Variants in NEGR1 observed in about 807,000 individuals in gnomAD.
The protein encoded by NEGR1 is neuronal growth regulator 1.
NEGR1 carries 10 observed loss-of-function variants against 40.9 expected under a neutral mutation model. The observed-to-expected ratio is 0.24, with a 90% CI of 0.15 to 0.42. The LOEUF is 0.42. Ranked by LOEUF, NEGR1 falls within the 10% of genes least tolerant of loss-of-function variation. The pLI, the probability that NEGR1 is intolerant of heterozygous loss-of-function variation, is 1.00. For synonymous variants in NEGR1, 185 were observed against 166.8 expected, an observed-to-expected ratio of 1.11 and a Z score of -0.84; for missense variants, 352 against 438.9, an observed-to-expected ratio of 0.80 and a Z score of 1.77.
At chr1:71,838,457 G>A (rs1363553100) in intron 2 of NEGR1, among the ~76,000 whole-genome samples, 3 of 152,138 alleles carry the variant, frequency 2.0e-5, no homozygotes, top group Non-Finnish European at 2.9e-5. Context: ...ATCACTACTC[G>A]TGCCAAGCAA....
At chr1:71,671,833 G>A (rs1652443275) in intron 4 of NEGR1, among the ~76,000 whole-genome samples, 1 of 151,118 alleles carries the variant, frequency 6.6e-6, no homozygotes, top group Non-Finnish European at 1.5e-5. Flanking sequence ...ACTCTCACTG[G>A]ATGTTTTATT....
At chr1:71,919,883 T>G (rs1010858221) in intron 2 of NEGR1, among the ~76,000 whole-genome samples, 19 of 152,226 alleles carry the variant, frequency 1.2e-4, no homozygotes, top group Admixed American at 6.5e-5. Context: ...TGGAACTGAA[T>G]GGATAACTTT....
chr1:72,197,876 A>T (rs1291121761), intron 1 of NEGR1, among the ~76,000 whole-genome samples: 1 of 152,052 alleles, frequency 6.6e-6, no homozygotes, highest in Non-Finnish European at 1.5e-5. Flanking sequence ...GTTAAGAAAC[A>T]GTCAGTTTAG....
intron 6 of NEGR1, among the ~76,000 whole-genome samples, chr1:71,454,034 A>G (rs1315715582): frequency 6.6e-6 from 1 of 152,194 alleles, no homozygotes; most frequent in Non-Finnish European, 1.5e-5. Flanking sequence ...TCTTCTCTTC[A>G]GCCATAATTC....
chr1:71,637,143 T>A (rs536187999), intron 4 of NEGR1, among the ~76,000 whole-genome samples: 1 of 152,198 alleles, frequency 6.6e-6, no homozygotes, highest in East Asian at 1.9e-4. Context: ...TCTTAGCACA[T>A]ATCATTGATT....
chr1:71,740,181 T>C (rs2101675296), intron 3 of NEGR1, among the ~76,000 whole-genome samples: 1 of 152,342 alleles, frequency 6.6e-6, no homozygotes, highest in South Asian at 2.1e-4. Context: ...GTTCCTAATA[T>C]GTTATAAACT....
At chr1:71,436,104 A>G (rs527750210) in intron 6 of NEGR1, among the ~76,000 whole-genome samples, 3 of 152,348 alleles carry the variant, frequency 2.0e-5, no homozygotes, top group South Asian at 4.1e-4. Context: ...AAAAAGCTGT[A>G]AAAGTCATCA....
At chr1:72,119,984 AT>A (rs1557536540) in intron 1 of NEGR1, among the ~76,000 whole-genome samples, 1 of 152,008 alleles carries the variant, frequency 6.6e-6, no homozygotes, top group African/African-American at 2.4e-5. Flanking sequence ...TAAATGATTA[AT>A]TACGAAAAAT....
intron 3 of NEGR1, among the ~76,000 whole-genome samples, chr1:71,743,038 A>C (rs577413092): frequency 6.6e-6 from 1 of 152,296 alleles, no homozygotes; most frequent in African/African-American, 2.4e-5. Context: ...TACATCGAGA[A>C]GATAAGACGA....
At chr1:71,536,262 A>G (rs183444878) in intron 6 of NEGR1, among the ~76,000 whole-genome samples, 5 of 151,824 alleles carry the variant, frequency 3.3e-5, no homozygotes, top group Admixed American at 1.3e-4. Flanking sequence ...GTTTTGCTTC[A>G]CCAAGTTCCA....
chr1:72,021,526 C>T (rs1176769940), intron 1 of NEGR1, among the ~76,000 whole-genome samples: 2 of 151,648 alleles, frequency 1.3e-5, no homozygotes, highest in Non-Finnish European at 2.9e-5. Context: ...GGAGATAAGT[C>T]ATAAAAACCA....
At position 71,450,724 on chromosome 1, in the gene NEGR1, C is replaced by T. The variant is rs551926091; in HGVS notation, c.941-43154G>A. Among the ~76,000 whole-genome samples the T allele has an allele frequency of 1.1e-4, 17 of 151,982 alleles. No homozygotes were observed. The East Asian group carries it at 1.9e-3, about 17-fold the overall frequency. On this transcript the variant is annotated intron_variant, in intron 6 of 6. Transcript: ENST00000357731. The stretch of plus-strand genomic sequence containing the variant: ...ACTTGGGAGGCTGAGGCAGGAGAAT[C>T]GCTTGAACCCAAAACGTAGAGGTTG...
At chr1:71,498,516 T>C (rs1646979942) in intron 6 of NEGR1, among the ~76,000 whole-genome samples, 1 of 152,186 alleles carries the variant, frequency 6.6e-6, no homozygotes, top group African/African-American at 2.4e-5. Flanking sequence ...ACCCTGAGGG[T>C]AAATTGCTCG....
At chr1:71,632,142 T>G (rs1238169491) in intron 4 of NEGR1, among the ~76,000 whole-genome samples, 1 of 151,706 alleles carries the variant, frequency 6.6e-6, no homozygotes, top group Non-Finnish European at 1.5e-5. Context: ...CTGGTTCAAG[T>G]TATTGGCAGA....
At chr1:72,228,487 G>A (rs555025403) in intron 1 of NEGR1, among the ~76,000 whole-genome samples, 1 of 152,122 alleles carries the variant, frequency 6.6e-6, no homozygotes, top group Non-Finnish European at 1.5e-5. Context: ...AAGGTGGATT[G>A]TGGGACTTCT....
chr1:71,671,319 G>A (rs1201518292), intron 4 of NEGR1, among the ~76,000 whole-genome samples: 1 of 152,204 alleles, frequency 6.6e-6, no homozygotes. Flanking sequence ...GGAAGAAAAA[G>A]TAAAGAGCAA....
At chr1:72,179,441 G>A (rs560153423) in intron 1 of NEGR1, among the ~76,000 whole-genome samples, 6 of 151,956 alleles carry the variant, frequency 3.9e-5, no homozygotes, top group Non-Finnish European at 8.8e-5. Context: ...GTATTCTTGT[G>A]GCAATAATTA....
At chr1:71,810,272 T>C (rs1217763527) in intron 2 of NEGR1, among the ~76,000 whole-genome samples, 2 of 152,106 alleles carry the variant, frequency 1.3e-5, no homozygotes, top group Non-Finnish European at 2.9e-5. Context: ...TAAAAAAGTG[T>C]CTAATTATAC....
At chr1:71,594,808 G>A (rs905890990) in intron 5 of NEGR1, among the ~76,000 whole-genome samples, 1 of 152,130 alleles carries the variant, frequency 6.6e-6, no homozygotes. Flanking sequence ...TGCCTTGCAA[G>A]TTTCAGCACT....
Sources: gnomAD v4.1 joint callset for allele counts (sites outside exome capture counted in the v4.1 genomes callset) on GRCh38, gnomAD v4.1.1 for gene constraint, MANE v1.5 for transcripts, NCBI Gene and HGNC (gene_info 2026-07-23, HGNC 2026-07-21) for gene names.